TIRAP: variants seen among roughly 807,000 people sequenced by gnomAD.
TIRAP encodes toll/interleukin-1 receptor domain-containing adapter protein.
In TIRAP, 20 loss-of-function variants were observed where a neutral mutation model predicts 19.8. That is an observed-to-expected ratio of 1.01 (90% CI 0.71 to 1.47). The LOEUF (loss-of-function observed/expected upper bound fraction) is 1.47, where lower values mean the gene tolerates loss of function less well. TIRAP is among the 40% of genes most tolerant of loss of function. The pLI is 0.00. For synonymous variants in TIRAP, 125 were observed against 121.7 expected, an observed-to-expected ratio of 1.03 and a Z score of -0.18; for missense variants, 276 against 285.1, an observed-to-expected ratio of 0.97 and a Z score of 0.23.
intron 1 of TIRAP, among the ~76,000 whole-genome samples, chr11:126,286,409 C>A (rs1183742418): frequency 1.3e-5 from 2 of 152,210 alleles, no homozygotes; most frequent in South Asian, 4.1e-4. Flanking sequence ...CAGGTGTGAA[C>A]ACAGGGGGCC....
intron 3 of TIRAP, 140 bp from the exon 4 acceptor site, chr11:126,292,337 T>C (rs1951401239): frequency 1.3e-6 from 1 of 784,410 alleles, no homozygotes; most frequent in Non-Finnish European, 2.0e-6. Context: ...GCAACAGGTC[T>C]CTGAGAATAA....
intron 1 of TIRAP, 41 bp downstream of exon 1, chr11:126,283,194 C>CG: frequency 2.1e-6 from 2 of 965,524 alleles, no homozygotes; most frequent in Non-Finnish European, 2.5e-6. Context: ...GGAGGCGCGG[C>CG]GGGGCTCCGT....
chr11:126,285,243 G>GTGTGTGTGTGTGTATATATATA lies in TIRAP; in HGVS notation c.-217+2091_-217+2092insGTGTGTGTGTGTATATATATAT. Among the ~76,000 whole-genome samples the GTGTGTGTGTGTGTATATATATA allele has an allele frequency of 1.6e-3, 173 of 106,970 alleles. 1 individual carries two copies. The highest frequency in any genetic ancestry group is 4.6e-3 in the Middle Eastern group (1 of 218). The allele number at this position is 106,970 out of a possible 152,430, so 70.2% of individuals were successfully genotyped here. A position where few individuals can be genotyped will look rare whatever the true frequency, so the allele number is the denominator to read the frequency against. Reference sequence around the variant, plus strand: ...ATTTATTGGATATATGTGTGTGTGTGTATATATATATATATATAATATATA... The same window carrying GTGTGTGTGTGTGTATATATATA: ...ATTTATTGGATATATGTGTGTGTGTGTGTGTGTGTGTGTATATATATATATATATATATATATATAATATATA... On this transcript the variant is annotated intron_variant, in intron 1 of 4. Coordinates refer to ENST00000392679, the MANE Select transcript of TIRAP (RefSeq NM_001318777.2).
intron 1 of TIRAP, among the ~76,000 whole-genome samples, chr11:126,289,197 A>G (rs961063159): frequency 6.6e-6 from 1 of 152,158 alleles, no homozygotes; most frequent in African/African-American, 2.4e-5. Flanking sequence ...TTGAACTTTG[A>G]TATATGATCA....
Position 126,292,599 on chromosome 11 carries a change from G to A in TIRAP, c.190G>A (p.Val64Ile). ...DSPLPPSLSS[V>I]TSPSLPPTHA... ...CCCACTACCCCCAAGCCTCAGCTCA[G>A]TCACGTCTCCCAGCCTGCCACCCAC... is the stretch of plus-strand genomic sequence containing the variant. The change falls in exon 4 of 5, where the codon GTC becomes ATC. Residue 64 changes from valine to isoleucine, a missense_variant. Coordinates refer to ENST00000392679, the MANE Select transcript of TIRAP (RefSeq NM_001318777.2). The A allele has an allele frequency of 6.2e-7, 1 of 1,614,196 alleles. No individual in the cohort carries two copies. Among genetic ancestry groups the A allele is most frequent in the Non-Finnish European group, 8.5e-7 (1 of 1,180,040 alleles).
chr11:126,288,853 T>G lies in TIRAP; in HGVS notation c.-216-1609T>G, dbSNP rs1401373087. On this transcript the variant is annotated intron_variant, in intron 1 of 4. Transcript: ENST00000392679. This position sits in a 1 kb window ranked among gnomAD's most constrained non-coding sequence, Gnocchi z 5.0. ...ATCAAATGATGCTCTAGTTTACAAG[T>G]GCACCAAGGCCAAATAATTAATATT... 6.6e-6 allele frequency among the ~76,000 whole-genome samples: 1 copy of G among 152,178 alleles called. No homozygotes were observed. The highest frequency in any genetic ancestry group is 1.9e-4 in the East Asian group (1 of 5,206).
At position 126,291,142 on chromosome 11, in the gene TIRAP, C is replaced by T. The variant is rs1288586747; in HGVS notation, c.67+181C>T. The T allele has an allele frequency of 7.9e-6, 6 of 756,956 alleles. No homozygotes were observed. The highest frequency in any genetic ancestry group is 1.8e-5 in the African/African-American group (1 of 56,744). The allele number at this position is 756,956 out of a possible 1,614,324, so 46.9% of individuals were successfully genotyped here. On this transcript the variant is annotated intron_variant, in intron 3 of 4. Coordinates refer to ENST00000392679, the MANE Select transcript of TIRAP (RefSeq NM_001318777.2). This position sits in a 1 kb window ranked among gnomAD's most constrained non-coding sequence, Gnocchi z 5.6. ...GTGGAGAGTGAGGAGGGGAGGCCTG[C>T]GTCAGCTCAGCCAGATCTTTATCCT... is the stretch of plus-strand genomic sequence containing the variant.
intron 4 of TIRAP, 146 bp downstream of exon 4, chr11:126,293,201 A>G (rs1951430081): frequency 6.9e-7 from 1 of 1,458,658 alleles, no homozygotes; most frequent in Non-Finnish European, 9.3e-7. Context: ...TGGCTCCTGC[A>G]CTTATTAACC....
Position 126,285,243 on chromosome 11 carries a change from G to GTGTGTGTATA in TIRAP, c.-217+2091_-217+2092insGTGTGTATAT. 2.1e-3 allele frequency among the ~76,000 whole-genome samples: 223 copies of GTGTGTGTATA among 106,972 alleles called. 11 individuals are homozygous for GTGTGTGTATA. In the South Asian group the frequency reaches 0.054, roughly 26 times the overall value. The allele number at this position is 106,972 out of a possible 152,430, so 70.2% of individuals were successfully genotyped here. On this transcript the variant is annotated intron_variant, in intron 1 of 4. Transcript: ENST00000392679. ...ATTTATTGGATATATGTGTGTGTGT[G>GTGTGTGTATA]TATATATATATATATATAATATATA...
rs909282827 is a variant in TIRAP at position 126,290,117 on chromosome 11, T to G, written c.-216-345T>G. Among the ~76,000 whole-genome samples, 1 of 152,214 alleles carries G rather than the reference T, an allele frequency of 6.6e-6. No homozygotes were observed. Among genetic ancestry groups the G allele is most frequent in the African/African-American group, 2.4e-5 (1 of 41,450 alleles). On this transcript the variant is annotated intron_variant, in intron 1 of 4. Coordinates refer to ENST00000392679, the MANE Select transcript of TIRAP (RefSeq NM_001318777.2). This position sits in a 1 kb window ranked among gnomAD's most constrained non-coding sequence, Gnocchi z 4.9. ...CCATTAGGACTTTACATAAATGATT[T>G]CATTTAATCTTCACAATAATGCTGA...
chr11:126,293,892 CA>C lies in TIRAP; in HGVS notation c.*206del. The C allele has an allele frequency of 1.6e-6, 1 of 615,966 alleles. No individual in the cohort carries two copies. Among genetic ancestry groups the C allele is most frequent in the South Asian group, 1.9e-5 (1 of 52,712 alleles). The allele number at this position is 615,966 out of a possible 1,614,324, so 38.2% of individuals were successfully genotyped here. A position where few individuals can be genotyped will look rare whatever the true frequency, so the allele number is the denominator to read the frequency against. On this transcript the variant is annotated 3_prime_UTR_variant, in exon 5 of 5. Coordinates refer to ENST00000392679, the MANE Select transcript of TIRAP (RefSeq NM_001318777.2). ...ACCATGGAGAGCTTGGGGACTCCCC[CA>C]GGAAGGCCGTGAAGCTGGGGATTCC...
chr11:126,286,368 A>G lies in TIRAP; in HGVS notation c.-217+3215A>G, dbSNP rs569274207. ...TAATGGAATGAGTCTGTCTGAAAAAAAAAGAAAGTCATGGGTCCTTCTCAC... is the reference window on the plus strand; with the variant it reads ...TAATGGAATGAGTCTGTCTGAAAAAGAAAGAAAGTCATGGGTCCTTCTCAC... On this transcript the variant is annotated intron_variant, in intron 1 of 4. Transcript: ENST00000392679. Among the ~76,000 whole-genome samples the G allele has an allele frequency of 7.2e-5, 11 of 152,286 alleles. No homozygotes were observed. In the East Asian group the frequency reaches 1.9e-3, roughly 27 times the overall value.
Position 126,290,790 on chromosome 11 carries a change from C to T in TIRAP, c.-92-13C>T, listed in dbSNP as rs2135289462. The T allele has an allele frequency of 6.7e-7, 1 of 1,503,280 alleles. No individual in the cohort carries two copies. The highest frequency in any genetic ancestry group is 8.8e-7 in the Non-Finnish European group (1 of 1,130,372). 93.1% of individuals were successfully genotyped at this position (1,503,280 alleles called of 1,614,324 possible). A position where few individuals can be genotyped will look rare whatever the true frequency, so the allele number is the denominator to read the frequency against. ...GTGCAGCCTTTGTGATTCTCTCTCT[C>T]TACCCTCTGTAGGATGGCTGCTCCA... On this transcript the variant is annotated splice_polypyrimidine_tract_variant and intron_variant, in intron 2 of 4. Transcript: ENST00000392679. This position sits in a 1 kb window ranked among gnomAD's most constrained non-coding sequence, Gnocchi z 4.9.
Position 126,288,550 on chromosome 11 carries a change from T to G in TIRAP, c.-216-1912T>G, listed in dbSNP as rs1338331493. 1.3e-5 allele frequency: 2 copies of G among 152,238 alleles called. No individual in the cohort carries two copies. Among genetic ancestry groups the G allele is most frequent in the African/African-American group, 4.8e-5 (2 of 41,452 alleles). 9.4% of individuals were successfully genotyped at this position (152,238 alleles called of 1,614,324 possible). A position where few individuals can be genotyped will look rare whatever the true frequency, so the allele number is the denominator to read the frequency against. ...TATGGTTACTGGAATTTACCTGCCA[T>G]CTTGCTCAATTATCCTGTCAAAGGT... On this transcript the variant is annotated intron_variant, in intron 1 of 4. Transcript: ENST00000392679. This position sits in a 1 kb window ranked among gnomAD's most constrained non-coding sequence, Gnocchi z 5.0.
Position 126,291,956 on chromosome 11 carries a change from C to A in TIRAP, c.68-521C>A, listed in dbSNP as rs1265493938. Among the ~76,000 whole-genome samples, 3 of 151,934 alleles carry A rather than the reference C, an allele frequency of 2.0e-5. No individual in the cohort carries two copies. Among genetic ancestry groups the A allele is most frequent in the African/African-American group, 7.3e-5 (3 of 41,268 alleles). On this transcript the variant is annotated intron_variant, in intron 3 of 4. Coordinates refer to ENST00000392679, the MANE Select transcript of TIRAP (RefSeq NM_001318777.2). This position sits in a 1 kb window ranked among gnomAD's most constrained non-coding sequence, Gnocchi z 5.6. ...ACATAAGGATTCCAGAGTTCTGACA[C>A]GTCCAAAACCTTTACCTTTAGAGGG...
In TIRAP at chr11:126,288,282, A is replaced by G. The variant is rs1951343296; in HGVS notation, c.-216-2180A>G. On this transcript the variant is annotated intron_variant, in intron 1 of 4. Transcript: ENST00000392679. The surrounding 1 kb of genome is among the most constrained non-coding windows in gnomAD (Gnocchi z 5.0). ...CAAAGCACAAAGAAAGCGACTGCGT[A>G]TTAGACCACACAGCAAATCAGAGAA... Among the ~76,000 whole-genome samples the G allele has an allele frequency of 6.6e-6, 1 of 152,256 alleles. No individual in the cohort carries two copies. The highest frequency in any genetic ancestry group is 2.4e-5 in the African/African-American group (1 of 41,470).
chr11:126,289,808 T>G, intron 1 of TIRAP: 6 of 985,408 alleles, frequency 6.1e-6, no homozygotes, highest in Non-Finnish European at 7.2e-6. Flanking sequence ...GGACATCCTC[T>G]GTCACTACGG....
intron 1 of TIRAP, among the ~76,000 whole-genome samples, chr11:126,286,036 A>G (rs1951318133): frequency 3.9e-5 from 5 of 127,640 alleles, no homozygotes; most frequent in East Asian, 2.5e-4. Flanking sequence ...CCTGGGTGAC[A>G]GAGCAAGACC....
chr11:126,294,106 C>G lies in TIRAP; in HGVS notation c.*419C>G. 1 of 267,656 alleles carries G rather than the reference C, an allele frequency of 3.7e-6. No homozygotes were observed. The highest frequency in any genetic ancestry group is 4.1e-5 in the South Asian group (1 of 24,664). The allele number at this position is 267,656 out of a possible 1,614,324, so 16.6% of individuals were successfully genotyped here. ...ACTGGGCACTGGCGTACACTGGTAT[C>G]CCTCCTAAAGAAGTGACTCACCTGA... On this transcript the variant is annotated 3_prime_UTR_variant, in exon 5 of 5. Coordinates refer to ENST00000392679, the MANE Select transcript of TIRAP (RefSeq NM_001318777.2).
Sources: allele counts gnomAD v4.1 joint callset (sites outside exome capture counted in the v4.1 genomes callset), GRCh38; gene constraint gnomAD v4.1.1; non-coding constraint Gnocchi (gnomAD v3.1); transcripts MANE v1.5; gene names NCBI Gene and HGNC (gene_info 2026-07-23, HGNC 2026-07-21).